ENPEP: variants seen among roughly 807,000 people sequenced by gnomAD.
ENPEP encodes AP-A.
In ENPEP, 103 loss-of-function variants were observed where a neutral mutation model predicts 114.5. The ratio of observed to expected loss-of-function variants is 0.90; its 90% CI spans 0.77 to 1.06. The LOEUF is 1.06. Ranked by LOEUF, ENPEP falls within the 50% of genes least tolerant of loss-of-function variation. ENPEP has a pLI of 0.00. For synonymous variants in ENPEP, 420 were observed against 422.0 expected, an observed-to-expected ratio of 1.00 and a Z score of 0.06; for missense variants, 1,196 against 1,161.3, an observed-to-expected ratio of 1.03 and a Z score of -0.43.
intron 1 of ENPEP, among the ~76,000 whole-genome samples, chr4:110,483,125 G>A (rs1195803795): frequency 6.6e-6 from 1 of 151,916 alleles, no homozygotes; most frequent in Non-Finnish European, 1.5e-5. Flanking sequence ...ACTTGACCTT[G>A]AATATCTTCT....
At chr4:110,494,036 A>T (rs1445381720) in intron 3 of ENPEP, among the ~76,000 whole-genome samples, 1 of 152,244 alleles carries the variant, frequency 6.6e-6, no homozygotes, top group East Asian at 1.9e-4. Flanking sequence ...TTAAACATGC[A>T]CACACACAAC....
chr4:110,519,799 A>T (rs1725913855), intron 8 of ENPEP, among the ~76,000 whole-genome samples: 1 of 152,234 alleles, frequency 6.6e-6, no homozygotes, highest in East Asian at 1.9e-4. Context: ...GTTGAAAAAA[A>T]TCAAAAGAAG....
At chr4:110,502,205 G>A (rs951896723) in intron 3 of ENPEP, among the ~76,000 whole-genome samples, 5 of 152,222 alleles carry the variant, frequency 3.3e-5, no homozygotes, top group Non-Finnish European at 7.4e-5. Context: ...TGCATAGTTT[G>A]CAAATATTTT....
chr4:110,526,504 C>T (rs1035577591), intron 10 of ENPEP, among the ~76,000 whole-genome samples: 2 of 152,020 alleles, frequency 1.3e-5, no homozygotes, highest in African/African-American at 4.8e-5. Flanking sequence ...TGATGTAAAC[C>T]CAGGCAGTCT....
chr4:110,539,346 T>C (rs1726762870), intron 11 of ENPEP, among the ~76,000 whole-genome samples: 1 of 152,188 alleles, frequency 6.6e-6, no homozygotes, highest in Non-Finnish European at 1.5e-5. Context: ...ACTAATACTT[T>C]CTTGAATGGG....
rs897327471 is a variant in ENPEP, at chr4:110,506,689, A to T, written c.971A>T (p.Asn324Ile). 24 of 1,612,616 alleles carry T rather than the reference A, an allele frequency of 1.5e-5. No individual in the cohort carries two copies. The highest frequency in any genetic ancestry group is 2.0e-5 in the Non-Finnish European group (23 of 1,179,120). ...EQKHTAEYAA[N>I]ITKSVFDYFE... ...AAGCACACAGCCGAATATGCTGCAA[A>T]CATAACTAAAAGTGTGTTTGATTAT... The change falls in exon 4 of 20, where the codon AAC becomes ATC. Residue 324 changes from asparagine (N) to isoleucine (I), a missense_variant. Transcript: ENST00000265162.
At chr4:110,516,164 A>G (rs1725759980) in intron 8 of ENPEP, among the ~76,000 whole-genome samples, 1 of 152,322 alleles carries the variant, frequency 6.6e-6, no homozygotes, top group African/African-American at 2.4e-5. Context: ...GAAAAGATCA[A>G]TATTAGTATG....
intron 3 of ENPEP, among the ~76,000 whole-genome samples, chr4:110,497,081 A>G (rs186622760): frequency 9.2e-5 from 14 of 152,366 alleles, no homozygotes; most frequent in Middle Eastern, 3.4e-3. Context: ...ATTAAAGGCT[A>G]TGTGAATATC....
At chr4:110,530,307 A>C (rs1726364304) in intron 10 of ENPEP, among the ~76,000 whole-genome samples, 1 of 152,176 alleles carries the variant, frequency 6.6e-6, no homozygotes, top group Non-Finnish European at 1.5e-5. Context: ...ATATAGCAAA[A>C]ATATATTCTC....
At chr4:110,488,475 A>G (rs1724582822) in intron 1 of ENPEP, 66 bp from the exon 2 acceptor site, 4 of 1,467,160 alleles carry the variant, frequency 2.7e-6, no homozygotes, top group Non-Finnish European at 3.6e-6. Flanking sequence ...TCCCCTAGGA[A>G]TAGAGACATA....
At chr4:110,519,739 T>A (rs1446427155) in intron 8 of ENPEP, among the ~76,000 whole-genome samples, 1 of 152,194 alleles carries the variant, frequency 6.6e-6, no homozygotes, top group African/African-American at 2.4e-5. Flanking sequence ...ACCATCCATG[T>A]ATTTTTTTTA....
Position 110,510,262 on chromosome 4 carries a change from G to T in ENPEP, c.1212G>T (p.Val404=). The T allele has an allele frequency of 6.2e-7, 1 of 1,613,988 alleles. No homozygotes were observed. The highest frequency in any genetic ancestry group is 8.5e-7 in the Non-Finnish European group (1 of 1,179,928). Residue 404 remains valine, a synonymous_variant, in exon 6 of 20, where the codon GTG becomes GTT. Coordinates refer to ENST00000265162, the MANE Select transcript of ENPEP (RefSeq NM_001977.4). ...ELVHQWFGNI[V]TMDWWEDLWL... Reference sequence around the variant, plus strand: ...AATTTCAGTGGTTTGGAAATATTGTGACCATGGACTGGTGGGAAGACTTGT... The same window carrying T: ...AATTTCAGTGGTTTGGAAATATTGTTACCATGGACTGGTGGGAAGACTTGT...
intron 3 of ENPEP, among the ~76,000 whole-genome samples, chr4:110,498,173 A>G (rs958599728): frequency 6.6e-6 from 1 of 152,204 alleles, no homozygotes; most frequent in African/African-American, 2.4e-5. Context: ...CTGTACTTCA[A>G]TTAAGATGTG....
rs767970753 is a variant in ENPEP, at chr4:110,549,901, T to C, written c.2501+15T>C. On this transcript the variant is annotated intron_variant, in intron 17 of 19. Transcript: ENST00000265162. ...CTTTTGTCAAGGTAAGTTGGGCTTT[T>C]ATTTCACATATATAAATAGTATTTA... 3.2e-5 allele frequency: 51 copies of C among 1,593,252 alleles called. 1 individual carries two copies. The South Asian group carries it at 5.7e-4, about 18-fold the overall frequency.
chr4:110,561,553 G>A lies in ENPEP; in HGVS notation c.2869G>A (p.Gly957Ser), dbSNP rs1457968924. 6.2e-7 allele frequency: 1 copy of A among 1,609,924 alleles called. No homozygotes were observed. The highest frequency in any genetic ancestry group is 8.5e-7 in the Non-Finnish European group (1 of 1,178,872). The change falls in exon 20 of 20, where the codon GGT (glycine) becomes AGT (serine). Residue 957 changes from glycine to serine, a missense_variant. Gly to Ser is a moderately conservative substitution (Grantham distance 56). Transcript: ENST00000265162. ...REWFFNLLES[G>S] ...ATGGTTTTTTAATTTACTTGAGAGT[G>A]GTTAATGTATTCAAATGTTAGAGTT...
At chr4:110,554,152 C>T (rs1192921077) in intron 18 of ENPEP, among the ~76,000 whole-genome samples, 1 of 151,852 alleles carries the variant, frequency 6.6e-6, no homozygotes, top group Non-Finnish European at 1.5e-5. Flanking sequence ...ATAGAATAAA[C>T]GTATGTCCCA....
At chr4:110,509,132 G>A (rs566588558) in intron 4 of ENPEP, among the ~76,000 whole-genome samples, 36 of 152,276 alleles carry the variant, frequency 2.4e-4, no homozygotes, top group African/African-American at 7.9e-4. Context: ...TCAACTCCAT[G>A]TTTCTCCAAC....
chr4:110,519,147 T>G (rs989859082), intron 8 of ENPEP: 2 of 455,240 alleles, frequency 4.4e-6, no homozygotes, highest in African/African-American at 4.0e-5. Flanking sequence ...CAAAGTGGCT[T>G]CATCCCTCTT....
At chr4:110,539,885 A>G (rs1180537000) in intron 11 of ENPEP, among the ~76,000 whole-genome samples, 1 of 152,150 alleles carries the variant, frequency 6.6e-6, no homozygotes, top group Non-Finnish European at 1.5e-5. Context: ...ATAATTATTT[A>G]TAATAGATAG....
Sources: allele counts gnomAD v4.1 joint callset (sites outside exome capture counted in the v4.1 genomes callset), GRCh38; gene constraint gnomAD v4.1.1; transcripts MANE v1.5; gene names NCBI Gene and HGNC (gene_info 2026-07-23, HGNC 2026-07-21).